The following TINAG variants were observed in gnomAD, a reference collection of about 807,000 sequenced individuals.
TINAG encodes the protein tubulointerstitial nephritis antigen.
A neutral mutation model predicts 72.7 loss-of-function variants in TINAG; 83 were observed. That is an observed-to-expected ratio of 1.14 (90% CI 0.96 to 1.37). TINAG has a LOEUF of 1.37. Ranked by LOEUF, TINAG falls within the 40% of genes most tolerant of loss-of-function variation. The pLI is 0.00. For missense variants in TINAG, 685 were observed against 576.6 expected (o/e 1.19, Z -1.93); for synonymous variants, 234 against 189.9 (o/e 1.23, Z -1.91).
intron 9 of TINAG, among the ~76,000 whole-genome samples, chr6:54,363,619 CA>C (rs75017897): frequency 0.24 from 27,389 of 115,360 alleles, 2,609 homozygotes; most frequent in Non-Finnish European, 0.25. Flanking sequence ...CAACGGGTAT[CA>C]AAAAAAAAAA....
At chr6:54,379,941 C>T (rs1272304843) in intron 9 of TINAG, among the ~76,000 whole-genome samples, 1 of 152,006 alleles carries the variant, frequency 6.6e-6, no homozygotes, top group African/African-American at 2.4e-5. Flanking sequence ...CCCCCGACCC[C>T]CAAACAGGCC....
chr6:54,343,632 G>T (rs112230485), intron 5 of TINAG, among the ~76,000 whole-genome samples: 1 of 150,888 alleles, frequency 6.6e-6, no homozygotes, highest in Non-Finnish European at 1.5e-5. Context: ...TCAGAGTTAA[G>T]GCCAAATAAT....
chr6:54,343,310 C>CA lies in TINAG; in HGVS notation c.716dup (p.Asn239LysfsTer16). The stretch of plus-strand genomic sequence containing the variant: ...TGGATGGACTCATGGCCCATTGGAT[C>CA]AAAAAAATTGTGCTGCATCCTGGGC... On this transcript the variant is annotated frameshift_variant, in exon 5 of 11. Transcript: ENST00000259782. LOFTEE classifies it high-confidence loss of function. 7 of 1,565,530 alleles carry CA rather than the reference C, an allele frequency of 4.5e-6. No individual in the cohort carries two copies. The highest frequency in any genetic ancestry group is 2.5e-5 in the South Asian group (2 of 81,294).
rs531519419 is a variant in TINAG at position 54,338,159 on chromosome 6, A to G, written c.625-5067A>G. ...CTCTCAAATCAATTTTCAGATTTCA[A>G]TGTGGTATTTCTGCACTAGTCACAG... On this transcript the variant is annotated intron_variant, in intron 4 of 10. Transcript: ENST00000259782. 7.9e-5 allele frequency among the ~76,000 whole-genome samples: 12 copies of G among 152,294 alleles called. No individual in the cohort carries two copies. In the South Asian group the frequency reaches 2.5e-3, roughly 32 times the overall value.
intron 9 of TINAG, among the ~76,000 whole-genome samples, chr6:54,377,755 G>C (rs773322177): frequency 6.6e-6 from 1 of 151,826 alleles, no homozygotes; most frequent in Non-Finnish European, 1.5e-5. Flanking sequence ...TCAACCTGTT[G>C]GTATAATAGC....
At chr6:54,373,283 T>C (rs1423222540) in intron 9 of TINAG, among the ~76,000 whole-genome samples, 1 of 152,098 alleles carries the variant, frequency 6.6e-6, no homozygotes, top group South Asian at 2.1e-4. Context: ...CTTCCAAAAC[T>C]TTCACGATTT....
At chr6:54,374,360 T>C (rs1037401435) in intron 9 of TINAG, among the ~76,000 whole-genome samples, 2 of 152,136 alleles carry the variant, frequency 1.3e-5, no homozygotes, top group Non-Finnish European at 1.5e-5. Context: ...CTTAGATATA[T>C]TGAACCCTAG....
intron 9 of TINAG, among the ~76,000 whole-genome samples, chr6:54,379,523 C>T (rs1054607764): frequency 5.3e-5 from 8 of 152,018 alleles, no homozygotes; most frequent in African/African-American, 1.9e-4. Context: ...CTACGTTAGG[C>T]ACAAAGCCAC....
At chr6:54,313,028 A>G (rs987703763) in intron 1 of TINAG, among the ~76,000 whole-genome samples, 1 of 152,164 alleles carries the variant, frequency 6.6e-6, no homozygotes, top group African/African-American at 2.4e-5. Context: ...TTACTATTGC[A>G]GGTATTTTGG....
At chr6:54,355,180 G>A (rs1322633087) in intron 9 of TINAG, among the ~76,000 whole-genome samples, 1 of 151,850 alleles carries the variant, frequency 6.6e-6, no homozygotes, top group African/African-American at 2.4e-5. Context: ...AATTTTACAA[G>A]TAGGCTGTAC....
intron 4 of TINAG, among the ~76,000 whole-genome samples, chr6:54,329,385 G>A (rs975591583): frequency 2.0e-5 from 3 of 152,128 alleles, no homozygotes; most frequent in African/African-American, 7.2e-5. Context: ...ACTTTCATAA[G>A]TGAAAGAGAA....
intron 4 of TINAG, among the ~76,000 whole-genome samples, chr6:54,334,413 G>T (rs1455752425): frequency 6.6e-6 from 1 of 152,142 alleles, no homozygotes; most frequent in Non-Finnish European, 1.5e-5. Context: ...CTGAGTTATT[G>T]TTCCAATTCA....
intron 6 of TINAG, among the ~76,000 whole-genome samples, chr6:54,348,572 C>T (rs1785183398): frequency 6.6e-6 from 1 of 152,134 alleles, no homozygotes; most frequent in East Asian, 1.9e-4. Context: ...AGATGGACAC[C>T]TTCTCACAGT....
chr6:54,360,850 T>TTG (rs1763210281), intron 9 of TINAG, among the ~76,000 whole-genome samples: 1 of 104,498 alleles, frequency 9.6e-6, no homozygotes, highest in Non-Finnish European at 2.0e-5. Context: ...TGTTTTTTTT[T>TTG]TTTTTTTTTT....
At chr6:54,381,963 TC>T (rs1763964072) in intron 10 of TINAG, among the ~76,000 whole-genome samples, 1 of 151,960 alleles carries the variant, frequency 6.6e-6, no homozygotes, top group East Asian at 1.9e-4. Context: ...ACCTGATCAT[TC>T]CCACCCTAGA....
intron 10 of TINAG, among the ~76,000 whole-genome samples, chr6:54,385,706 C>T (rs574799662): frequency 8.6e-5 from 13 of 151,458 alleles, no homozygotes; most frequent in South Asian, 6.3e-4. Flanking sequence ...AAATATAGGC[C>T]GATATCTCTC....
At chr6:54,380,973 C>A (rs1763928914) in intron 10 of TINAG, among the ~76,000 whole-genome samples, 1 of 141,484 alleles carries the variant, frequency 7.1e-6, no homozygotes, top group African/African-American at 2.7e-5. Flanking sequence ...TAGGATATAA[C>A]CTATAGGATA....
At chr6:54,367,948 G>T (rs539671008) in intron 9 of TINAG, among the ~76,000 whole-genome samples, 2 of 151,588 alleles carry the variant, frequency 1.3e-5, no homozygotes, top group African/African-American at 4.8e-5. Flanking sequence ...GTCCTTTATA[G>T]GGGCTAATCC....
At chr6:54,326,438 C>T (rs922470655) in intron 3 of TINAG, among the ~76,000 whole-genome samples, 24 of 151,766 alleles carry the variant, frequency 1.6e-4, no homozygotes, top group Non-Finnish European at 5.9e-5. Context: ...ATGTATTAAC[C>T]TATTTAATGT....
Sources: gnomAD v4.1 joint callset for allele counts (sites outside exome capture counted in the v4.1 genomes callset) on GRCh38, gnomAD v4.1.1 for gene constraint, MANE v1.5 for transcripts, NCBI Gene and HGNC (gene_info 2026-07-23, HGNC 2026-07-21) for gene names.